NID2: variants seen among roughly 807,000 people sequenced by gnomAD.
NID2 encodes the protein nidogen 2.
In NID2, 83 loss-of-function variants were observed where a neutral mutation model predicts 145.4. That is an observed-to-expected ratio of 0.57 (90% CI 0.48 to 0.69). NID2 has a LOEUF of 0.69. Among genes scored for constraint, NID2 ranks in the 30% least tolerant of loss-of-function variants. The pLI is 0.00. For missense variants in NID2, 1,807 were observed against 1,765.7 expected, an observed-to-expected ratio of 1.02 and a Z score of -0.42; for synonymous variants, 739 against 701.3, an observed-to-expected ratio of 1.05 and a Z score of -0.85.
intron 12 of NID2, 25 bp downstream of exon 12, chr14:52,027,176 T>A (rs775971051): frequency 6.9e-7 from 1 of 1,453,360 alleles, no homozygotes; most frequent in East Asian, 2.7e-5. Context: ...TTTCCAGTCA[T>A]TGAGGCTGAC....
intron 5 of NID2, 36 bp from the exon 6 acceptor site, chr14:52,042,967 A>G (rs536130215): frequency 6.2e-7 from 1 of 1,604,742 alleles, no homozygotes; most frequent in South Asian, 1.1e-5. Context: ...AAAAGGACTA[A>G]ATGATTCCAA....
chr14:52,022,200 C>T (rs1314078809), intron 12 of NID2, among the ~76,000 whole-genome samples: 1 of 152,192 alleles, frequency 6.6e-6, no homozygotes, highest in African/African-American at 2.4e-5. Flanking sequence ...AGAATTCTGA[C>T]TCAATCTGAA....
intron 9 of NID2, among the ~76,000 whole-genome samples, chr14:52,035,699 G>A (rs899849658): frequency 1.3e-5 from 2 of 151,492 alleles, no homozygotes; most frequent in Admixed American, 6.6e-5. Context: ...TATTTTTTGA[G>A]ACGGAGTCTC....
Position 52,005,344 on chromosome 14 carries a change from T to G in NID2, c.*142A>C. The stretch of plus-strand genomic sequence containing the variant: ...GTATCAGCTTTTCACAAAAGTCTTT[T>G]TGCACTACAAAATGTTCATCTTGGA... On this transcript the variant is annotated 3_prime_UTR_variant, in exon 22 of 22. Transcript: ENST00000216286. 1.5e-6 allele frequency: 1 copy of G among 670,990 alleles called. No individual in the cohort carries two copies. The highest frequency in any genetic ancestry group is 2.3e-6 in the Non-Finnish European group (1 of 438,212). The allele number at this position is 670,990 out of a possible 1,614,324, so 41.6% of individuals were successfully genotyped here. A position where few individuals can be genotyped will look rare whatever the true frequency, so the allele number is the denominator to read the frequency against.
intron 12 of NID2, 84 bp downstream of exon 12, chr14:52,027,117 T>C (rs962052695): frequency 7.6e-7 from 1 of 1,321,182 alleles, no homozygotes; most frequent in Non-Finnish European, 9.9e-7. Context: ...AAGTCCTTTG[T>C]CTTTTCTGGG....
At chr14:52,038,273 T>A (rs1301106082) in intron 9 of NID2, among the ~76,000 whole-genome samples, 1 of 152,206 alleles carries the variant, frequency 6.6e-6, no homozygotes, top group African/African-American at 2.4e-5. Flanking sequence ...ATGTTTGGTT[T>A]TTCCAGATAC....
chr14:52,019,969 C>A lies in NID2; in HGVS notation c.2794+90G>T, dbSNP rs79417507. The stretch of plus-strand genomic sequence containing the variant: ...TTGGAAAATCCACCAAGGCTCCAGA[C>A]CAGGCTAAATCAAGAGTGGGCTGTC... On this transcript the variant is annotated intron_variant, in intron 13 of 21. Coordinates refer to ENST00000216286, the MANE Select transcript of NID2 (RefSeq NM_007361.4). 1,288 of 1,536,716 alleles carry A rather than the reference C, an allele frequency of 8.4e-4. 13 individuals carry two copies. In the African/African-American group the frequency reaches 0.015, roughly 18 times the overall value.
chr14:52,028,943 G>T lies in NID2; in HGVS notation c.2402-93C>A, dbSNP rs1002949216. On this transcript the variant is annotated intron_variant, in intron 10 of 21. Transcript: ENST00000216286. ...CTCAATGTTTTCTCACTAGTATGATGCTTCAATGGGACAAATGGTTGGCAG... is the reference window on the plus strand; with the variant it reads ...CTCAATGTTTTCTCACTAGTATGATTCTTCAATGGGACAAATGGTTGGCAG... 2.7e-5 allele frequency: 33 copies of T among 1,219,758 alleles called. 1 individual carries two copies. Among genetic ancestry groups the T allele is most frequent in the Non-Finnish European group, 2.6e-5 (23 of 873,416 alleles). The allele number at this position is 1,219,758 out of a possible 1,614,324, so 75.6% of individuals were successfully genotyped here.
In NID2 at chr14:52,020,069, C is replaced by T; in HGVS notation, c.2784G>A (p.Gln928=). 1 of 1,614,008 alleles carries T rather than the reference C, an allele frequency of 6.2e-7. No homozygotes were observed. Among genetic ancestry groups the T allele is most frequent in the Non-Finnish European group, 8.5e-7 (1 of 1,179,880 alleles). ...CQPGYYGDGF[Q]CIPDSTSSLT... ...CCCTCTGAAACTTACCAGGTATGCA[C>T]TGAAATCCATCCCCATAATATCCGG... Residue 928 remains glutamine, a synonymous_variant, in exon 13 of 22, where the codon CAG becomes CAA. Coordinates refer to ENST00000216286, the MANE Select transcript of NID2 (RefSeq NM_007361.4).
intron 9 of NID2, among the ~76,000 whole-genome samples, chr14:52,036,115 A>G (rs1892061810): frequency 1.3e-5 from 2 of 152,166 alleles, no homozygotes; most frequent in African/African-American, 4.8e-5. Context: ...AATCAATTTC[A>G]GAACATTTTC....
At chr14:52,016,570 C>G (rs975666799) in intron 14 of NID2, among the ~76,000 whole-genome samples, 10 of 152,140 alleles carry the variant, frequency 6.6e-5, no homozygotes, top group Admixed American at 3.3e-4. Context: ...TCAGAATCCA[C>G]TTAGAATATC....
chr14:52,018,577 G>A (rs1025583908), intron 14 of NID2, among the ~76,000 whole-genome samples: 1 of 152,214 alleles, frequency 6.6e-6, no homozygotes, highest in Admixed American at 6.5e-5. Flanking sequence ...AAACTAACTG[G>A]CTCCACTAGC....
intron 9 of NID2, among the ~76,000 whole-genome samples, chr14:52,037,530 A>G (rs1045877562): frequency 6.6e-6 from 1 of 152,176 alleles, no homozygotes; most frequent in Non-Finnish European, 1.5e-5. Flanking sequence ...CTTTACATGT[A>G]TCCTTACGCC....
Position 52,067,906 on chromosome 14 carries a change from C to A in NID2, c.486G>T (p.Gln162His), listed in dbSNP as rs1335653780. 1.2e-6 allele frequency: 2 copies of A among 1,613,066 alleles called. No homozygotes were observed. The highest frequency in any genetic ancestry group is 4.5e-5 in the East Asian group (2 of 44,876). The change falls in exon 2 of 22, where the codon CAG (glutamine) becomes CAT (histidine). Residue 162 changes from glutamine (Q) to histidine (H), a missense_variant. Gln to His is a conservative substitution (Grantham distance 24). Transcript: ENST00000216286. ...PTHAFLATWE[Q>H]VGAYEEVKRG... ...GCTTGACCTCCTCGTAAGCGCCTAC[C>A]TGCTCCCAGGTGGCCAGGAAGGCGT...
intron 2 of NID2, among the ~76,000 whole-genome samples, chr14:52,061,878 T>C (rs1425548233): frequency 2.0e-5 from 3 of 152,220 alleles, no homozygotes; most frequent in Non-Finnish European, 4.4e-5. Context: ...CACACTACTT[T>C]TACAATTTAG....
In NID2 at chr14:52,047,970, C is replaced by T. The variant is rs565362352; in HGVS notation, c.1430-5039G>A. ...GGGCCCACCTTAGACCTACCAGTTC[C>T]ACTCTCTGGGTGCATCCTAGCAATC... On this transcript the variant is annotated intron_variant, in intron 5 of 21. Transcript: ENST00000216286. Among the ~76,000 whole-genome samples the T allele has an allele frequency of 9.3e-4, 141 of 151,934 alleles. 1 individual carries two copies. Among genetic ancestry groups the T allele is most frequent in the African/African-American group, 3.1e-3 (130 of 41,428 alleles).
intron 3 of NID2, among the ~76,000 whole-genome samples, chr14:52,057,339 C>G (rs1344068382): frequency 6.6e-6 from 1 of 152,188 alleles, no homozygotes; most frequent in Non-Finnish European, 1.5e-5. Context: ...CCCAGCCTAA[C>G]TTTACCCTTA....
Position 52,014,443 on chromosome 14 carries a change from G to C in NID2, c.3264C>G (p.Val1088=), listed in dbSNP as rs200814319. ...GCGTGGGCCGGACCATGGGTGGAGC[G>C]ACGGTGGGTATACCTGTGGGAGAGA... ...PGTTPACIPT[V]APPMVRPTPR... The change falls in exon 16 of 22, where the codon GTC becomes GTG. Residue 1088 remains valine (V), a synonymous_variant. Coordinates refer to ENST00000216286, the MANE Select transcript of NID2 (RefSeq NM_007361.4). 128 of 1,610,804 alleles carry C rather than the reference G, an allele frequency of 7.9e-5. No individual in the cohort carries two copies. The East Asian group carries it at 2.4e-3, about 31-fold the overall frequency.
rs1892316058 is a variant in NID2, at chr14:52,042,352, T to TA, written c.1580-3dup. On this transcript the variant is annotated splice_region_variant and splice_polypyrimidine_tract_variant and intron_variant, in intron 6 of 21. Coordinates refer to ENST00000216286, the MANE Select transcript of NID2 (RefSeq NM_007361.4). ...TCCCATTCACTCGGTGAGGTGCCCC[T>TA]AAAAGACAGCAAATCCAGTTAGGCT... 6.2e-7 allele frequency: 1 copy of TA among 1,603,860 alleles called. No individual in the cohort carries two copies. Among genetic ancestry groups the TA allele is most frequent in the Non-Finnish European group, 8.5e-7 (1 of 1,172,400 alleles).
Sources: gnomAD v4.1 joint callset for allele counts (sites outside exome capture counted in the v4.1 genomes callset) on GRCh38, gnomAD v4.1.1 for gene constraint, MANE v1.5 for transcripts, NCBI Gene and HGNC (gene_info 2026-07-23, HGNC 2026-07-21) for gene names.